Variants in DNAJC18 observed in about 807,000 individuals in gnomAD.
DNAJC18 encodes dnaJ homolog subfamily C member 18.
A neutral mutation model predicts 48.6 loss-of-function variants in DNAJC18; 40 were observed. The observed-to-expected ratio is 0.82, with a 90% CI of 0.64 to 1.07. The LOEUF (loss-of-function observed/expected upper bound fraction) is 1.07, where lower values mean the gene tolerates loss of function less well. DNAJC18 is among the 50% of genes least tolerant of loss of function. DNAJC18 has a pLI of 0.00. For synonymous variants in DNAJC18, 135 were observed against 152.2 expected, an observed-to-expected ratio of 0.89 and a Z score of 0.83; for missense variants, 340 against 427.7, an observed-to-expected ratio of 0.79 and a Z score of 1.81.
At chr5:139,422,251 G>A (rs547181359) in intron 6 of DNAJC18, among the ~76,000 whole-genome samples, 6 of 152,024 alleles carry the variant, frequency 3.9e-5, no homozygotes, top group African/African-American at 1.2e-4. Flanking sequence ...TAATCTATAC[G>A]CAAAAAGCAT....
At chr5:139,436,288 T>C (rs867601058) in intron 2 of DNAJC18, among the ~76,000 whole-genome samples, 10 of 151,946 alleles carry the variant, frequency 6.6e-5, no homozygotes, top group South Asian at 2.1e-4. Context: ...TGTATTGCTG[T>C]GTTGCCCAGG....
chr5:139,421,612 C>T (rs1241208696), intron 6 of DNAJC18, among the ~76,000 whole-genome samples: 1 of 152,094 alleles, frequency 6.6e-6, no homozygotes, highest in Non-Finnish European at 1.5e-5. Flanking sequence ...TTGAGACCAG[C>T]CTGGCCAACA....
chr5:139,432,438 C>T (rs1216194228), intron 2 of DNAJC18, among the ~76,000 whole-genome samples: 1 of 152,120 alleles, frequency 6.6e-6, no homozygotes, highest in Non-Finnish European at 1.5e-5. Context: ...GCTGGGATTA[C>T]AGGCGTGAGC....
rs182243480 is a variant in DNAJC18, at chr5:139,422,562, A to G, written c.779+146T>C. ...CTCAGTATTTTTGAGTCTCAGCACC[A>G]TGACTACCCAGCTGTTCCTTTAAAC... On this transcript the variant is annotated intron_variant, in intron 6 of 7. Coordinates refer to ENST00000302060, the MANE Select transcript of DNAJC18 (RefSeq NM_152686.4). 4.9e-4 allele frequency: 316 copies of G among 646,018 alleles called. 5 individuals carry two copies. The highest frequency in any genetic ancestry group is 2.1e-3 in the Middle Eastern group (5 of 2,352). 40.0% of individuals were successfully genotyped at this position (646,018 alleles called of 1,614,324 possible).
chr5:139,425,652 G>C lies in DNAJC18; in HGVS notation c.559+520C>G, dbSNP rs983148791. ...AACTAGTGAGAGAGAACCCCGAAAG[G>C]CTAGAAGAGAGAGAGCATTAGGGCC... On this transcript the variant is annotated intron_variant, in intron 4 of 7. Coordinates refer to ENST00000302060, the MANE Select transcript of DNAJC18 (RefSeq NM_152686.4). Among the ~76,000 whole-genome samples the C allele has an allele frequency of 1.3e-5, 2 of 152,262 alleles. 1 individual carries two copies. Among genetic ancestry groups the C allele is most frequent in the Middle Eastern group, 6.8e-3 (2 of 294 alleles).
intron 3 of DNAJC18, among the ~76,000 whole-genome samples, chr5:139,427,874 G>A (rs1759267194): frequency 6.6e-6 from 1 of 152,056 alleles, no homozygotes; most frequent in Non-Finnish European, 1.5e-5. Context: ...TTAGATTCAG[G>A]TCAAACATTT....
intron 6 of DNAJC18, among the ~76,000 whole-genome samples, chr5:139,421,504 C>T (rs890386883): frequency 1.3e-5 from 2 of 151,760 alleles, no homozygotes; most frequent in African/African-American, 2.4e-5. Flanking sequence ...CAGCTTCGCT[C>T]TCTGTAAAAG....
Position 139,422,714 on chromosome 5 carries a change from T to C in DNAJC18, c.773A>G (p.Tyr258Cys). The C allele has an allele frequency of 3.1e-6, 5 of 1,596,722 alleles. 1 individual carries two copies. In the African/African-American group the frequency reaches 5.4e-5, roughly 17 times the overall value. ...LATNPPYSLF[Y>C]KSTLGYTISR... Reference sequence around the variant, plus strand: ...TTAGAAATACCAGACTTACGATTTATAGAACAGACTATATGGGGGATTAGT... The same window carrying C: ...TTAGAAATACCAGACTTACGATTTACAGAACAGACTATATGGGGGATTAGT... The change falls in exon 6 of 8, where the codon TAT (tyrosine) becomes TGT (cysteine). Residue 258 changes from tyrosine (Y) to cysteine (C), a missense_variant. Physicochemically the swap from Tyr to Cys is radical, Grantham distance 194. Transcript: ENST00000302060.
Position 139,410,518 on chromosome 5 carries a change from T to C in DNAJC18, c.*3630A>G, listed in dbSNP as rs1758978458. 1 of 152,220 alleles carries C rather than the reference T, an allele frequency of 6.6e-6. No homozygotes were observed. The highest frequency in any genetic ancestry group is 6.5e-5 in the Admixed American group (1 of 15,280). The allele number at this position is 152,220 out of a possible 1,614,324, so 9.4% of individuals were successfully genotyped here. ...TCCAAAAATAAATATATTAGGACAC[T>C]AAGCTTATACCTTAAATGAGGGCAG... On this transcript the variant is annotated 3_prime_UTR_variant, in exon 8 of 8. Coordinates refer to ENST00000302060, the MANE Select transcript of DNAJC18 (RefSeq NM_152686.4).
At chr5:139,423,341 T>G (rs942663717) in intron 5 of DNAJC18, among the ~76,000 whole-genome samples, 1 of 151,236 alleles carries the variant, frequency 6.6e-6, no homozygotes, top group Non-Finnish European at 1.5e-5. Flanking sequence ...ACTTTTTGAG[T>G]ACCAGGATGA....
chr5:139,425,498 T>G (rs560931431), intron 4 of DNAJC18, among the ~76,000 whole-genome samples: 1 of 152,314 alleles, frequency 6.6e-6, no homozygotes, highest in South Asian at 2.1e-4. Flanking sequence ...TGTTCCCAGC[T>G]AGGTTTGTTA....
intron 4 of DNAJC18, 93 bp downstream of exon 4, chr5:139,426,079 C>G (rs1317623937): frequency 3.0e-6 from 4 of 1,347,076 alleles, no homozygotes; most frequent in Non-Finnish European, 2.1e-6. Context: ...TTCCATCATA[C>G]CATTGTACCT....
chr5:139,428,928 C>T (rs762196531), intron 2 of DNAJC18, among the ~76,000 whole-genome samples: 2 of 152,012 alleles, frequency 1.3e-5, no homozygotes, highest in Non-Finnish European at 2.9e-5. Flanking sequence ...GTGAGTAGAA[C>T]AAGTATGCTA....
intron 2 of DNAJC18, among the ~76,000 whole-genome samples, chr5:139,437,120 GAA>G: frequency 6.6e-6 from 1 of 152,170 alleles, no homozygotes; most frequent in East Asian, 1.9e-4. Flanking sequence ...GTTGTTGAAA[GAA>G]TGTCCTGTAG....
intron 5 of DNAJC18, among the ~76,000 whole-genome samples, chr5:139,423,217 G>A (rs1759182729): frequency 6.6e-6 from 1 of 152,124 alleles, no homozygotes; most frequent in Non-Finnish European, 1.5e-5. Context: ...GCACTGCATA[G>A]GAGGATCCAC....
chr5:139,436,515 C>CTTTTTTTTTTTTTTTTTTTTTTTTTT (rs57926576), intron 2 of DNAJC18, among the ~76,000 whole-genome samples: 2 of 67,646 alleles, frequency 3.0e-5, no homozygotes, highest in African/African-American at 7.4e-5. Flanking sequence ...ATCCCTCTTT[C>CTTTTTTTTTTTTTTTTTTTTTTTTTT]TTTTTTTTTT....
At chr5:139,430,026 T>G (rs1382243702) in intron 2 of DNAJC18, among the ~76,000 whole-genome samples, 1 of 152,216 alleles carries the variant, frequency 6.6e-6, no homozygotes, top group Non-Finnish European at 1.5e-5. Flanking sequence ...TAGTTTAGAT[T>G]AGAGTGGCAG....
Position 139,419,973 on chromosome 5 carries a change from AGAG to A in DNAJC18, c.952+77_952+79del, listed in dbSNP as rs529199916. 1.5e-4 allele frequency: 203 copies of A among 1,355,850 alleles called. 1 individual carries two copies. In the East Asian group the frequency reaches 3.9e-3, roughly 26 times the overall value. The allele number at this position is 1,355,850 out of a possible 1,614,324, so 84.0% of individuals were successfully genotyped here. On this transcript the variant is annotated intron_variant, in intron 7 of 7. Transcript: ENST00000302060. ...AACATGCGTAGCCTCAAACAAGAAG[AGAG>A]GAGGGATCAGGAGGCTGGGGGTGCC...
chr5:139,424,287 C>G (rs924863946), intron 5 of DNAJC18, among the ~76,000 whole-genome samples: 1 of 152,200 alleles, frequency 6.6e-6, no homozygotes, highest in Non-Finnish European at 1.5e-5. Context: ...GCTTGGGAGC[C>G]TGACAGTATC....
Sources: gnomAD v4.1 joint callset for allele counts (sites outside exome capture counted in the v4.1 genomes callset) on GRCh38, gnomAD v4.1.1 for gene constraint, MANE v1.5 for transcripts, NCBI Gene and HGNC (gene_info 2026-07-23, HGNC 2026-07-21) for gene names.